CRYBB1: variants seen among roughly 807,000 people sequenced by gnomAD.
CRYBB1 encodes the protein beta-crystallin B1.
In CRYBB1, 16 loss-of-function variants were observed where a neutral mutation model predicts 29.5. The observed-to-expected ratio is 0.54, with a 90% confidence interval of 0.37 to 0.82. The LOEUF (loss-of-function observed/expected upper bound fraction) is 0.82, where lower values mean the gene tolerates loss of function less well. CRYBB1 is among the 40% of genes least tolerant of loss of function. CRYBB1 has a pLI of 0.00. For missense variants in CRYBB1, 300 were observed against 350.5 expected (o/e 0.86, Z 1.15); for synonymous variants, 127 against 136.7 (o/e 0.93, Z 0.49).
chr22:26,601,940 G>A lies in CRYBB1; in HGVS notation c.514C>T (p.Pro172Ser). The A allele has an allele frequency of 6.2e-7, 1 of 1,613,294 alleles. No homozygotes were observed. Among genetic ancestry groups the A allele is most frequent in the Non-Finnish European group, 8.5e-7 (1 of 1,179,896 alleles). ...NTIEIQGDDA[P>S]SLWVYGFSDR... ...CTGAAGCCGTAGACCCAGAGACTGGGTGCGTCGTCCCCCTGGATCTCTATG... is the reference window on the plus strand; with the variant it reads ...CTGAAGCCGTAGACCCAGAGACTGGATGCGTCGTCCCCCTGGATCTCTATG... The change falls in exon 5 of 6, where the codon CCC (proline) becomes TCC (serine). Residue 172 changes from proline to serine, a missense_variant. Physicochemically the swap from Pro to Ser is moderately conservative, Grantham distance 74. Transcript: ENST00000647684.
At chr22:26,600,035 A>C (rs940352061) in intron 5 of CRYBB1, among the ~76,000 whole-genome samples, 1 of 152,248 alleles carries the variant, frequency 6.6e-6, no homozygotes, top group Non-Finnish European at 1.5e-5. Context: ...AACAAATCCA[A>C]GGAAGCAAGA....
chr22:26,600,399 CT>C (rs1928785984), intron 5 of CRYBB1, among the ~76,000 whole-genome samples: 1 of 150,392 alleles, frequency 6.6e-6, no homozygotes, highest in African/African-American at 2.4e-5. Flanking sequence ...GAGACTCCAT[CT>C]CAAAAAAAAA....
chr22:26,605,759 T>A (rs1034818364), intron 4 of CRYBB1, among the ~76,000 whole-genome samples: 10 of 151,772 alleles, frequency 6.6e-5, no homozygotes, highest in African/African-American at 9.7e-5. Context: ...TTATTTTTTT[T>A]TTTTATTTTG....
chr22:26,601,426 C>A (rs181845502), intron 5 of CRYBB1, among the ~76,000 whole-genome samples: 1 of 152,012 alleles, frequency 6.6e-6, no homozygotes, highest in African/African-American at 2.4e-5. Context: ...TAGGCTCACT[C>A]GAGTTCCTCA....
chr22:26,604,202 C>T (rs2145960536), intron 4 of CRYBB1, among the ~76,000 whole-genome samples: 1 of 152,350 alleles, frequency 6.6e-6, no homozygotes, highest in Non-Finnish European at 1.5e-5. Flanking sequence ...CAAATCCCAG[C>T]CCCAGCAACT....
intron 5 of CRYBB1, among the ~76,000 whole-genome samples, chr22:26,600,547 A>G (rs531640189): frequency 5.1e-4 from 77 of 152,356 alleles, no homozygotes; most frequent in African/African-American, 1.7e-3. Context: ...TGGATAAGGT[A>G]TCAGAACCTC....
intron 2 of CRYBB1, among the ~76,000 whole-genome samples, chr22:26,613,687 CTGCACAAAT>C (rs754540601): frequency 1.3e-5 from 2 of 152,142 alleles, no homozygotes; most frequent in Non-Finnish European, 2.9e-5. Flanking sequence ...ATTGCATTAA[CTGCACAAAT>C]TGTACAGCAT....
intron 1 of CRYBB1, 119 bp from the exon 2 acceptor site, chr22:26,616,457 A>C: frequency 1.4e-6 from 1 of 726,266 alleles, no homozygotes. Flanking sequence ...TCCTTCTGAA[A>C]CGGTTAAGCC....
chr22:26,603,610 A>G (rs1776725954), intron 4 of CRYBB1, among the ~76,000 whole-genome samples: 2 of 151,900 alleles, frequency 1.3e-5, no homozygotes, highest in South Asian at 4.2e-4. Context: ...CAGTCCAACT[A>G]TAAAACAGGC....
chr22:26,616,083 G>C, intron 2 of CRYBB1, 57 bp downstream of exon 2: 1 of 1,338,894 alleles, frequency 7.5e-7, no homozygotes, highest in Non-Finnish European at 1.1e-6. Flanking sequence ...AGAAGGAGGA[G>C]GAGGGAAGGA....
chr22:26,609,248 A>G (rs554725987), intron 3 of CRYBB1, among the ~76,000 whole-genome samples: 2 of 152,336 alleles, frequency 1.3e-5, no homozygotes, highest in Non-Finnish European at 2.9e-5. Context: ...CAGGAGCCTC[A>G]GGTCTTTGTC....
At chr22:26,614,344 G>A (rs143044175) in intron 2 of CRYBB1, among the ~76,000 whole-genome samples, 293 of 152,260 alleles carry the variant, frequency 1.9e-3, no homozygotes, top group African/African-American at 6.4e-3. Flanking sequence ...GTCTCCCCCG[G>A]ACGCCCAGCT....
chr22:26,617,651 A>C (rs1929400100), intron 1 of CRYBB1, among the ~76,000 whole-genome samples: 1 of 145,832 alleles, frequency 6.9e-6, no homozygotes, highest in Non-Finnish European at 1.5e-5. Flanking sequence ...TCTGTTTCTT[A>C]CTTCTCTCCC....
At chr22:26,599,799 G>T in intron 5 of CRYBB1, 126 bp from the exon 6 acceptor site, 1 of 774,698 alleles carries the variant, frequency 1.3e-6, no homozygotes, top group Non-Finnish European at 2.3e-6. Flanking sequence ...TTCTGTCCTG[G>T]CTATATCCCT....
At chr22:26,608,247 C>T (rs1300857120) in intron 3 of CRYBB1, among the ~76,000 whole-genome samples, 1 of 152,210 alleles carries the variant, frequency 6.6e-6, no homozygotes, top group African/African-American at 2.4e-5. Flanking sequence ...CTCATCTACA[C>T]TCATATGCCT....
intron 1 of CRYBB1, among the ~76,000 whole-genome samples, chr22:26,617,697 C>T (rs1929401460): frequency 6.6e-6 from 1 of 152,146 alleles, no homozygotes. Context: ...TTCTCTCCCT[C>T]TCTGTTCCTC....
At chr22:26,614,593 G>A (rs1437853398) in intron 2 of CRYBB1, among the ~76,000 whole-genome samples, 1 of 152,110 alleles carries the variant, frequency 6.6e-6, no homozygotes, top group Non-Finnish European at 1.5e-5. Context: ...ATGAATGGCC[G>A]GCAGTCATGC....
chr22:26,602,590 CA>C (rs3885494), intron 4 of CRYBB1, among the ~76,000 whole-genome samples: 36,791 of 131,922 alleles, frequency 0.28, 4,728 homozygotes, highest in Non-Finnish European at 0.33. Context: ...GACCCTGTCT[CA>C]AAAAAAAAAA....
At position 26,602,017 on chromosome 22, in the gene CRYBB1, G is replaced by A. The variant is rs377734045; in HGVS notation, c.437C>T (p.Ala146Val). 3.7e-6 allele frequency: 6 copies of A among 1,613,552 alleles called. No individual in the cohort carries two copies. Among genetic ancestry groups the A allele is most frequent in the East Asian group, 4.5e-5 (2 of 44,876 alleles). The part of the protein sequence containing the change: ...LMSFRPIKMD[A>V]QEHKISLFEG... ...AAACAGGGAGATTTTGTGCTCCTGG[G>A]CATCCTGGGGAAAGAGAGGCCGGGT... The change falls in exon 5 of 6, where the codon GCC becomes GTC. Residue 146 changes from alanine (A) to valine (V), a missense_variant. Physicochemically the swap from Ala to Val is moderately conservative, Grantham distance 64. Coordinates refer to ENST00000647684, the MANE Select transcript of CRYBB1 (RefSeq NM_001887.4).
Sources: allele counts gnomAD v4.1 joint callset (sites outside exome capture counted in the v4.1 genomes callset), GRCh38; gene constraint gnomAD v4.1.1; transcripts MANE v1.5; gene names NCBI Gene and HGNC (gene_info 2026-07-23, HGNC 2026-07-21).